The following ICA1 variants were observed in gnomAD, a reference collection of about 807,000 sequenced individuals.
The protein encoded by ICA1 is 69 kDa islet cell autoantigen.
Under a neutral mutation model 71.0 loss-of-function variants are expected in ICA1, and 40 were observed. That is an observed-to-expected ratio of 0.56 (90% CI 0.44 to 0.73). The LOEUF is 0.73. ICA1 is among the 30% of genes least tolerant of loss of function. The probability of loss-of-function intolerance (pLI) is 0.00; values close to 1 mark genes in which losing one functional copy is unlikely to be tolerated. For synonymous variants in ICA1, 207 were observed against 209.5 expected, an observed-to-expected ratio of 0.99 and a Z score of 0.10; for missense variants, 578 against 576.5, an observed-to-expected ratio of 1.00 and a Z score of -0.03.
intron 6 of ICA1, among the ~76,000 whole-genome samples, chr7:8,159,329 C>G (rs780580501): frequency 6.6e-6 from 1 of 152,152 alleles, no homozygotes; most frequent in Non-Finnish European, 1.5e-5. Flanking sequence ...ATGGAGTGAA[C>G]GTCAGGGAAA....
intron 1 of ICA1, among the ~76,000 whole-genome samples, chr7:8,242,674 T>C (rs1422984880): frequency 6.6e-6 from 1 of 152,054 alleles, no homozygotes. Flanking sequence ...CTAGCAAGAC[T>C]AATAAAGAAG....
At chr7:8,260,191 C>T (rs570057806) in intron 1 of ICA1, among the ~76,000 whole-genome samples, 1 of 152,076 alleles carries the variant, frequency 6.6e-6, no homozygotes, top group Non-Finnish European at 1.5e-5. Context: ...GCATAACTAC[C>T]AGACCTCCAT....
chr7:8,247,332 C>T (rs926802044), intron 1 of ICA1, among the ~76,000 whole-genome samples: 9 of 152,146 alleles, frequency 5.9e-5, no homozygotes, highest in East Asian at 3.9e-4. Context: ...CGGTGGCACA[C>T]GCCTGTAGTC....
chr7:8,249,398 T>A (rs902167597), intron 1 of ICA1, among the ~76,000 whole-genome samples: 1 of 152,014 alleles, frequency 6.6e-6, no homozygotes, highest in Non-Finnish European at 1.5e-5. Context: ...CATTATAATT[T>A]AAAGACACGC....
intron 6 of ICA1, among the ~76,000 whole-genome samples, chr7:8,174,362 C>T (rs745767816): frequency 2.1e-4 from 32 of 152,102 alleles, no homozygotes; most frequent in Non-Finnish European, 3.2e-4. Flanking sequence ...TAAGCAGCCA[C>T]AGAAAACTCA....
At chr7:8,229,056 T>C (rs1174416763) in intron 3 of ICA1, among the ~76,000 whole-genome samples, 1 of 149,810 alleles carries the variant, frequency 6.7e-6, no homozygotes, top group African/African-American at 2.5e-5. Context: ...CTTGCTGTGG[T>C]TTTTTTTTAA....
chr7:8,221,534 C>G, intron 4 of ICA1, 136 bp from the exon 5 acceptor site: 1 of 936,488 alleles, frequency 1.1e-6, no homozygotes, highest in Non-Finnish European at 1.6e-6. Context: ...CGGCAGGCTA[C>G]AGGGTAAGCT....
chr7:8,142,238 A>G (rs1271797745), intron 9 of ICA1, among the ~76,000 whole-genome samples: 2 of 152,188 alleles, frequency 1.3e-5, no homozygotes, highest in African/African-American at 4.8e-5. Flanking sequence ...AGGCAGGACC[A>G]CTCATAAATC....
intron 6 of ICA1, among the ~76,000 whole-genome samples, chr7:8,207,557 TA>T (rs1157387430): frequency 2.0e-5 from 3 of 152,212 alleles, no homozygotes; most frequent in Non-Finnish European, 4.4e-5. Flanking sequence ...CACATATTTT[TA>T]AAGCTGTTTT....
At chr7:8,189,631 G>A (rs1784933759) in intron 6 of ICA1, among the ~76,000 whole-genome samples, 1 of 152,126 alleles carries the variant, frequency 6.6e-6, no homozygotes, top group Admixed American at 6.5e-5. Context: ...CCCCATAGCT[G>A]AGCTCAACTA....
chr7:8,133,789 C>A (rs1792329722), intron 12 of ICA1, among the ~76,000 whole-genome samples: 1 of 151,912 alleles, frequency 6.6e-6, no homozygotes, highest in Non-Finnish European at 1.5e-5. Flanking sequence ...TCTCTACTTG[C>A]CATTGCTCAA....
chr7:8,239,732 A>C (rs1040617663), intron 1 of ICA1, among the ~76,000 whole-genome samples: 5 of 152,234 alleles, frequency 3.3e-5, no homozygotes, highest in Non-Finnish European at 7.3e-5. Flanking sequence ...CAAATGGCAC[A>C]CCAGGAGTTT....
At chr7:8,239,338 T>A (rs185056197) in intron 1 of ICA1, among the ~76,000 whole-genome samples, 1 of 152,238 alleles carries the variant, frequency 6.6e-6, no homozygotes, top group Non-Finnish European at 1.5e-5. Context: ...TTATCAGACA[T>A]AAACTGAGCA....
At chr7:8,190,868 A>G (rs561962888) in intron 6 of ICA1, among the ~76,000 whole-genome samples, 4 of 152,340 alleles carry the variant, frequency 2.6e-5, no homozygotes, top group Admixed American at 2.0e-4. Flanking sequence ...GGAACAAGGA[A>G]GTTTGCTTCC....
intron 10 of ICA1, 46 bp from the exon 11 acceptor site, chr7:8,139,093 G>C (rs367771282): frequency 6.9e-7 from 1 of 1,456,890 alleles, no homozygotes; most frequent in African/African-American, 1.4e-5. Flanking sequence ...TCGAAATGGT[G>C]TGCATGTTCA....
rs74957507 is a variant in ICA1 at position 8,223,292 on chromosome 7, T to C, written c.257-1894A>G. On this transcript the variant is annotated intron_variant, in intron 4 of 13. Coordinates refer to ENST00000402384, the MANE Select transcript of ICA1 (RefSeq NM_001136020.3). The surrounding 1 kb of genome is among the most constrained non-coding windows in gnomAD (Gnocchi z 4.1). ...TCACATACAAATGAATGCATTTAGC[T>C]TAAGGCTAGGAAGAAACCAATTTGT... 0.015 allele frequency among the ~76,000 whole-genome samples: 2,341 copies of C among 152,310 alleles called. 57 individuals carry two copies. Among genetic ancestry groups the C allele is most frequent in the African/African-American group, 0.054 (2,234 of 41,564 alleles).
chr7:8,148,251 G>A (rs570680076), intron 8 of ICA1, among the ~76,000 whole-genome samples: 6 of 152,204 alleles, frequency 3.9e-5, no homozygotes, highest in South Asian at 4.2e-4. Context: ...GTGAGCCCAC[G>A]GTATTTGTGA....
At chr7:8,175,155 T>C (rs1780189555) in intron 6 of ICA1, among the ~76,000 whole-genome samples, 1 of 151,674 alleles carries the variant, frequency 6.6e-6, no homozygotes, top group Non-Finnish European at 1.5e-5. Context: ...GGGCACAGAG[T>C]GGGCTGGCCA....
intron 6 of ICA1, among the ~76,000 whole-genome samples, chr7:8,182,470 G>A (rs993146510): frequency 6.6e-6 from 1 of 152,152 alleles, no homozygotes; most frequent in African/African-American, 2.4e-5. Context: ...CAGAGGAGAA[G>A]AACAGGACTC....
Sources: gnomAD v4.1 joint callset for allele counts (sites outside exome capture counted in the v4.1 genomes callset) on GRCh38, gnomAD v4.1.1 for gene constraint, Gnocchi (gnomAD v3.1) non-coding constraint, MANE v1.5 for transcripts, NCBI Gene and HGNC (gene_info 2026-07-23, HGNC 2026-07-21) for gene names.